The following ADCY8 variants were observed in gnomAD, a reference collection of about 807,000 sequenced individuals.
ADCY8 encodes the protein adenylate cyclase type 8.
A neutral mutation model predicts 119.7 loss-of-function variants in ADCY8; 51 were observed. The observed-to-expected ratio is 0.43, with a 90% CI of 0.34 to 0.54. The LOEUF is 0.54. Among genes scored for constraint, ADCY8 ranks in the 20% least tolerant of loss-of-function variants. The pLI is 0.03. For missense variants in ADCY8, 1,383 were observed against 1,598.8 expected (o/e 0.87, Z 2.30); for synonymous variants, 665 against 651.0 (o/e 1.02, Z -0.33).
At chr8:131,023,251 G>C (rs111235791) in intron 1 of ADCY8, among the ~76,000 whole-genome samples, 1 of 152,128 alleles carries the variant, frequency 6.6e-6, no homozygotes, top group Non-Finnish European at 1.5e-5. Flanking sequence ...AAACAAAAGA[G>C]ACCCTTCTGC....
chr8:131,037,387 T>A (rs922800564), intron 1 of ADCY8, among the ~76,000 whole-genome samples: 3 of 152,162 alleles, frequency 2.0e-5, no homozygotes, highest in African/African-American at 7.2e-5. Flanking sequence ...GGAGCCAAAA[T>A]TTACTTTCTG....
intron 14 of ADCY8, among the ~76,000 whole-genome samples, chr8:130,801,449 C>T (rs775998002): frequency 6.6e-6 from 1 of 152,124 alleles, no homozygotes; most frequent in Non-Finnish European, 1.5e-5. Context: ...ATACTTCTAC[C>T]TGATCATTTT....
At chr8:130,977,948 C>T (rs1822123340) in intron 2 of ADCY8, among the ~76,000 whole-genome samples, 1 of 152,152 alleles carries the variant, frequency 6.6e-6, no homozygotes, top group Admixed American at 6.5e-5. Flanking sequence ...AAATATCTTC[C>T]ACTACTCATT....
At chr8:130,961,421 A>ATCTTCATAAGTC in intron 2 of ADCY8, among the ~76,000 whole-genome samples, 1 of 149,752 alleles carries the variant, frequency 6.7e-6, no homozygotes, top group East Asian at 2.0e-4. Context: ...TTCTTCATAA[A>ATCTTCATAAGTC]TCTTCATAAA....
intron 5 of ADCY8, among the ~76,000 whole-genome samples, 183 bp downstream of exon 5, chr8:130,936,890 A>G (rs563353399): frequency 1.6e-4 from 25 of 152,346 alleles, no homozygotes; most frequent in African/African-American, 5.8e-4. Context: ...TAAACTTAGA[A>G]AACAATGATG....
At chr8:130,803,209 C>A (rs757500266) in intron 14 of ADCY8, among the ~76,000 whole-genome samples, 1 of 152,146 alleles carries the variant, frequency 6.6e-6, no homozygotes, top group African/African-American at 2.4e-5. Context: ...TTCTTCCTTC[C>A]CTGCAGTTAG....
chr8:130,793,765 T>C (rs775992941), intron 15 of ADCY8, among the ~76,000 whole-genome samples: 17 of 152,156 alleles, frequency 1.1e-4, no homozygotes, highest in Non-Finnish European at 1.9e-4. Context: ...AAGTAGAACA[T>C]ATTAGTTTAG....
At chr8:130,991,425 A>G (rs899883528) in intron 1 of ADCY8, among the ~76,000 whole-genome samples, 1 of 152,228 alleles carries the variant, frequency 6.6e-6, no homozygotes, top group African/African-American at 2.4e-5. Flanking sequence ...CGGTGAAAGA[A>G]AACCTAAAAT....
intron 8 of ADCY8, among the ~76,000 whole-genome samples, chr8:130,874,799 C>G (rs1005666026): frequency 1.3e-5 from 2 of 152,104 alleles, no homozygotes; most frequent in African/African-American, 4.8e-5. Context: ...CCAGCTCACC[C>G]TCCCCAACAT....
chr8:131,011,838 C>A (rs1823316682), intron 1 of ADCY8, among the ~76,000 whole-genome samples: 1 of 152,092 alleles, frequency 6.6e-6, no homozygotes, highest in South Asian at 2.1e-4. Flanking sequence ...GCAGGAGCAC[C>A]CTGGTGAGGG....
intron 2 of ADCY8, among the ~76,000 whole-genome samples, chr8:130,963,744 T>C (rs1452886653): frequency 6.6e-6 from 1 of 152,088 alleles, no homozygotes; most frequent in African/African-American, 2.4e-5. Flanking sequence ...TTAGGATTGA[T>C]TGGCTGTTCT....
In ADCY8 at chr8:130,962,541, A is replaced by G. The variant is rs529609435; in HGVS notation, c.1111-10543T>C. ...TCTGGATTCCCCTCTCATCTCACAT[A>G]ACATACTCTATTCAAGTCGTCAAAA... On this transcript the variant is annotated intron_variant, in intron 2 of 17. Transcript: ENST00000286355. 1.1e-4 allele frequency among the ~76,000 whole-genome samples: 17 copies of G among 152,318 alleles called. No homozygotes were observed. In the East Asian group the frequency reaches 1.2e-3, roughly 10 times the overall value.
intron 14 of ADCY8, among the ~76,000 whole-genome samples, chr8:130,804,730 C>T (rs1815889532): frequency 6.6e-6 from 1 of 151,944 alleles, no homozygotes; most frequent in Middle Eastern, 3.4e-3. Flanking sequence ...CTAATGAATG[C>T]CAGCTCCTCT....
At chr8:131,009,713 A>G (rs1399700539) in intron 1 of ADCY8, among the ~76,000 whole-genome samples, 1 of 152,252 alleles carries the variant, frequency 6.6e-6, no homozygotes, top group Non-Finnish European at 1.5e-5. Flanking sequence ...TTAGAGTAGA[A>G]TCTGTAGATG....
intron 11 of ADCY8, among the ~76,000 whole-genome samples, chr8:130,846,562 T>TCC: frequency 7.9e-6 from 1 of 127,318 alleles, no homozygotes; most frequent in African/African-American, 3.0e-5. Context: ...CTTCATTCCT[T>TCC]CCTTCCTTCC....
At chr8:131,030,814 G>A (rs1295804516) in intron 1 of ADCY8, among the ~76,000 whole-genome samples, 1 of 152,042 alleles carries the variant, frequency 6.6e-6, no homozygotes, top group African/African-American at 2.4e-5. Flanking sequence ...ATCATTTTTT[G>A]GCCATCCTTT....
chr8:130,848,100 C>T (rs1403022857), intron 10 of ADCY8, among the ~76,000 whole-genome samples: 3 of 152,170 alleles, frequency 2.0e-5, no homozygotes, highest in Admixed American at 6.5e-5. Context: ...TTTTTAATCC[C>T]CATTTTACAA....
intron 5 of ADCY8, among the ~76,000 whole-genome samples, chr8:130,913,080 A>T (rs1242409668): frequency 6.6e-6 from 1 of 152,140 alleles, no homozygotes; most frequent in Non-Finnish European, 1.5e-5. Flanking sequence ...AATACATAGT[A>T]GGTGTATATA....
intron 9 of ADCY8, among the ~76,000 whole-genome samples, chr8:130,865,999 C>T (rs1243826247): frequency 2.0e-5 from 3 of 152,114 alleles, no homozygotes; most frequent in African/African-American, 7.2e-5. Flanking sequence ...GTATTGAGAT[C>T]CTTTTGTTCC....
Sources: gnomAD v4.1 joint callset for allele counts (sites outside exome capture counted in the v4.1 genomes callset) on GRCh38, gnomAD v4.1.1 for gene constraint, MANE v1.5 for transcripts, NCBI Gene and HGNC (gene_info 2026-07-23, HGNC 2026-07-21) for gene names.